Variants in ERICH6B observed in about 807,000 individuals in gnomAD.
ERICH6B encodes glutamate rich 6B, also known as glutamate-rich protein 6B.
ERICH6B carries 69 observed loss-of-function variants against 80.0 expected under a neutral mutation model. That is an observed-to-expected ratio of 0.86 (90% confidence interval 0.71 to 1.05). The LOEUF is 1.05. ERICH6B is among the 50% of genes least tolerant of loss of function. The pLI is 0.00. For missense variants in ERICH6B, 754 were observed against 796.1 expected (o/e 0.95, Z 0.64); for synonymous variants, 283 against 291.9 (o/e 0.97, Z 0.31).
chr13:45,615,168 T>C (rs865976472), intron 1 of ERICH6B, among the ~76,000 whole-genome samples: 62 of 152,320 alleles, frequency 4.1e-4, no homozygotes, highest in African/African-American at 1.5e-3. Flanking sequence ...CAGTTAGGAC[T>C]GCTGTTTACC....
chr13:45,581,191 A>G (rs1034681095), intron 5 of ERICH6B, among the ~76,000 whole-genome samples: 1 of 152,130 alleles, frequency 6.6e-6, no homozygotes, highest in Non-Finnish European at 1.5e-5. Flanking sequence ...AAGCTACTGT[A>G]TATATATATT....
intron 7 of ERICH6B, among the ~76,000 whole-genome samples, chr13:45,579,608 G>C (rs541559465): frequency 2.2e-4 from 34 of 152,302 alleles, no homozygotes; most frequent in African/African-American, 7.2e-4. Context: ...GGGAGGTGCA[G>C]GTATCCCAGT....
intron 11 of ERICH6B, among the ~76,000 whole-genome samples, chr13:45,557,751 G>A (rs1386038791): frequency 1.3e-5 from 2 of 152,044 alleles, no homozygotes; most frequent in African/African-American, 4.8e-5. Flanking sequence ...AGGTATTTGG[G>A]TTTATTGCTG....
At chr13:45,586,317 G>C (rs77538019) in intron 5 of ERICH6B, among the ~76,000 whole-genome samples, 4,215 of 152,162 alleles carry the variant, frequency 0.028, 176 homozygotes, top group African/African-American at 0.095. Flanking sequence ...GAGGTGACGG[G>C]GGAATCTAAT....
At chr13:45,606,576 C>G (rs1593329297) in intron 2 of ERICH6B, among the ~76,000 whole-genome samples, 1 of 72,156 alleles carries the variant, frequency 1.4e-5, no homozygotes. Context: ...TTTTTGGAGA[C>G]AGAGTCTCAC....
At chr13:45,606,481 G>T (rs1949860311) in intron 2 of ERICH6B, among the ~76,000 whole-genome samples, 1 of 121,420 alleles carries the variant, frequency 8.2e-6, no homozygotes, top group African/African-American at 3.2e-5. Flanking sequence ...CTGTCTTCTT[G>T]GCTGAGATCC....
At chr13:45,605,476 G>A (rs922476711) in intron 2 of ERICH6B, among the ~76,000 whole-genome samples, 1 of 152,140 alleles carries the variant, frequency 6.6e-6, no homozygotes, top group African/African-American at 2.4e-5. Flanking sequence ...AGCCTTATGC[G>A]GTAAACACTA....
At chr13:45,573,986 C>T (rs891317058) in intron 8 of ERICH6B, among the ~76,000 whole-genome samples, 6 of 151,972 alleles carry the variant, frequency 3.9e-5, no homozygotes, top group African/African-American at 7.3e-5. Context: ...CTTAGTAATA[C>T]GGTGCTGTAG....
intron 8 of ERICH6B, among the ~76,000 whole-genome samples, chr13:45,573,733 G>A (rs1875267886): frequency 6.6e-6 from 1 of 152,150 alleles, no homozygotes; most frequent in South Asian, 2.1e-4. Flanking sequence ...ACACACACAT[G>A]GAAGATGTGT....
At position 45,602,029 on chromosome 13, in the gene ERICH6B, T is replaced by A. The variant is rs540526409; in HGVS notation, c.-58-4966A>T. Among the ~76,000 whole-genome samples the A allele has an allele frequency of 2.7e-4, 41 of 152,328 alleles. 1 individual carries two copies. The South Asian group carries it at 5.2e-3, about 19-fold the overall frequency. On this transcript the variant is annotated intron_variant, in intron 2 of 14. Coordinates refer to ENST00000298738, the MANE Select transcript of ERICH6B (RefSeq NM_182542.3). ...GTGTGTGAATGTGTGTTGTGGGTCC[T>A]TCTGAGGCCTTAATCAGTTCATGCC...
At chr13:45,566,426 G>A (rs1874915639) in intron 9 of ERICH6B, among the ~76,000 whole-genome samples, 1 of 152,260 alleles carries the variant, frequency 6.6e-6, no homozygotes, top group African/African-American at 2.4e-5. Flanking sequence ...TCACAGGCCT[G>A]AAGGCCTAGG....
chr13:45,549,421 G>A (rs76576456), intron 13 of ERICH6B, among the ~76,000 whole-genome samples: 145 of 152,232 alleles, frequency 9.5e-4, no homozygotes, highest in African/African-American at 3.4e-3. Flanking sequence ...GTCTTGAATT[G>A]GTAAGATGGT....
At chr13:45,580,579 A>AT (rs758476781) in intron 6 of ERICH6B, 24 bp downstream of exon 6, 1 of 1,550,594 alleles carries the variant, frequency 6.4e-7, no homozygotes, top group South Asian at 1.2e-5. Context: ...TCTACAGATC[A>AT]TTTAAAATCA....
intron 14 of ERICH6B, 68 bp from the exon 15 acceptor site, chr13:45,541,748 C>T: frequency 7.0e-7 from 1 of 1,436,840 alleles, no homozygotes; most frequent in Non-Finnish European, 9.5e-7. Flanking sequence ...AGACCCAGGC[C>T]AGATCTCCTG....
chr13:45,585,835 T>A (rs1366394069), intron 5 of ERICH6B, among the ~76,000 whole-genome samples: 1 of 152,204 alleles, frequency 6.6e-6, no homozygotes. Flanking sequence ...CTATTAATAA[T>A]GCTAATGAAG....
At chr13:45,564,477 C>G (rs1001192396) in intron 9 of ERICH6B, among the ~76,000 whole-genome samples, 1 of 152,182 alleles carries the variant, frequency 6.6e-6, no homozygotes, top group Non-Finnish European at 1.5e-5. Context: ...GAAAAGGAGG[C>G]CTTTGCCATT....
At chr13:45,561,824 C>A (rs1319654537) in intron 10 of ERICH6B, among the ~76,000 whole-genome samples, 2 of 152,124 alleles carry the variant, frequency 1.3e-5, no homozygotes, top group Admixed American at 6.5e-5. Flanking sequence ...GATGGTCAAC[C>A]TGTACAGATG....
chr13:45,602,709 T>C (rs1307515441), intron 2 of ERICH6B, among the ~76,000 whole-genome samples: 1 of 152,172 alleles, frequency 6.6e-6, no homozygotes, highest in Non-Finnish European at 1.5e-5. Flanking sequence ...GGACTAAGAC[T>C]CTTCTCTTTC....
intron 10 of ERICH6B, among the ~76,000 whole-genome samples, chr13:45,561,876 A>G (rs1203595542): frequency 6.6e-6 from 1 of 152,164 alleles, no homozygotes; most frequent in Admixed American, 6.5e-5. Context: ...GCCAACTACA[A>G]CGTAATGAGA....
Sources: gnomAD v4.1 joint callset for allele counts (sites outside exome capture counted in the v4.1 genomes callset) on GRCh38, gnomAD v4.1.1 for gene constraint, MANE v1.5 for transcripts, NCBI Gene and HGNC (gene_info 2026-07-23, HGNC 2026-07-21) for gene names.